The following FAM234B variants were observed in gnomAD, a reference collection of about 807,000 sequenced individuals.
FAM234B encodes family with sequence similarity 234 member B.
FAM234B carries 33 observed loss-of-function variants against 69.3 expected under a neutral mutation model. The observed-to-expected ratio is 0.48, with a 90% CI of 0.36 to 0.64. FAM234B has a LOEUF of 0.64. Ranked by LOEUF, FAM234B falls within the 30% of genes least tolerant of loss-of-function variation. The pLI, the probability that FAM234B is intolerant of heterozygous loss-of-function variation, is 0.00. For missense variants in FAM234B, 697 were observed against 769.7 expected, an observed-to-expected ratio of 0.91 and a Z score of 1.12; for synonymous variants, 306 against 306.9, an observed-to-expected ratio of 1.00 and a Z score of 0.03.
In FAM234B at chr12:13,044,579, A is replaced by T. The variant is rs1864781207; in HGVS notation, c.37+139A>T. 4 of 903,510 alleles carry T rather than the reference A, an allele frequency of 4.4e-6. No individual in the cohort carries two copies. The highest frequency in any genetic ancestry group is 5.1e-6 in the Non-Finnish European group (3 of 586,954). 56.0% of individuals were successfully genotyped at this position (903,510 alleles called of 1,614,324 possible). On this transcript the variant is annotated intron_variant, in intron 1 of 12. Coordinates refer to ENST00000197268, the MANE Select transcript of FAM234B (RefSeq NM_020853.2). The surrounding 1 kb of genome is among the most constrained non-coding windows in gnomAD (Gnocchi z 5.6). Reference sequence around the variant, plus strand: ...AGGCGCCCGGTGCCGAGGAGGGTGCAGTCCCTTGGGGCTGGGGTCTCTGTG... The same window carrying T: ...AGGCGCCCGGTGCCGAGGAGGGTGCTGTCCCTTGGGGCTGGGGTCTCTGTG...
At chr12:13,047,437 G>A (rs750572341) in intron 1 of FAM234B, among the ~76,000 whole-genome samples, 1 of 152,160 alleles carries the variant, frequency 6.6e-6, no homozygotes, top group Non-Finnish European at 1.5e-5. Context: ...AGTTGCAGTA[G>A]AGTGTATTGT....
At chr12:13,059,774 G>A (rs1348268188) in intron 3 of FAM234B, among the ~76,000 whole-genome samples, 3 of 152,212 alleles carry the variant, frequency 2.0e-5, no homozygotes, top group Non-Finnish European at 2.9e-5. Context: ...CAGCCTAGGA[G>A]TAGATTTCCG....
At chr12:13,056,978 C>CTTTTTTTTTTTTTTTTTT (rs72097692) in intron 2 of FAM234B, among the ~76,000 whole-genome samples, 1 of 129,514 alleles carries the variant, frequency 7.7e-6, no homozygotes. Flanking sequence ...CTGTGAACTG[C>CTTTTTTTTTTTTTTTTTT]TTTTTTTTTT....
At chr12:13,049,371 G>T (rs2120441643) in intron 1 of FAM234B, among the ~76,000 whole-genome samples, 1 of 152,284 alleles carries the variant, frequency 6.6e-6, no homozygotes, top group East Asian at 1.9e-4. Context: ...GTAGAGACGG[G>T]GTCTCGCCAC....
chr12:13,049,516 G>A (rs1329227939), intron 1 of FAM234B, among the ~76,000 whole-genome samples: 1 of 152,220 alleles, frequency 6.6e-6, no homozygotes, highest in Non-Finnish European at 1.5e-5. Context: ...AAGAGTGTAG[G>A]ATAAGTGTTC....
chr12:13,082,677 T>C lies in FAM234B; in HGVS notation c.*2047T>C, dbSNP rs1420793528. On this transcript the variant is annotated 3_prime_UTR_variant, in exon 13 of 13. Coordinates refer to ENST00000197268, the MANE Select transcript of FAM234B (RefSeq NM_020853.2). ...AGCTGAATACCCAAAACTTGGGTGG[T>C]GGTCCTGTGGTTTGGCTGAGCTGTC... The C allele has an allele frequency of 6.6e-6, 1 of 152,202 alleles. No individual in the cohort carries two copies. 9.4% of individuals were successfully genotyped at this position (152,202 alleles called of 1,614,324 possible).
chr12:13,061,671 C>T lies in FAM234B; in HGVS notation c.629C>T (p.Thr210Ile), dbSNP rs1565509001. The T allele has an allele frequency of 6.2e-7, 1 of 1,614,000 alleles. No individual in the cohort carries two copies. Residue 210 changes from threonine to isoleucine, a missense_variant, in exon 4 of 13, where the codon ACA becomes ATA. This residue lies in a region of FAM234B where 380 missense variants were observed against 447.1 expected (regional missense o/e 0.85). Transcript: ENST00000197268. The part of the protein sequence containing the change: ...SLLPEEARDI[T>I]CLELMPGSLA... ...CTCCCTGAGGAGGCTCGAGATATCA[C>T]ATGTTTGGAGCTGATGCCAGGAAGC... is the stretch of plus-strand genomic sequence containing the variant.
chr12:13,055,308 A>G (rs1461062372), intron 1 of FAM234B, among the ~76,000 whole-genome samples: 4 of 152,038 alleles, frequency 2.6e-5, no homozygotes, highest in Non-Finnish European at 4.4e-5. Flanking sequence ...CTCCTTTTCC[A>G]TTGTCTTAAA....
intron 10 of FAM234B, among the ~76,000 whole-genome samples, chr12:13,075,709 G>C (rs1865151801): frequency 6.6e-6 from 1 of 150,900 alleles, no homozygotes; most frequent in Non-Finnish European, 1.5e-5. Flanking sequence ...GCCCACCTCG[G>C]CCTCCTAAAG....
chr12:13,056,968 C>CTGTGA (rs1864936887), intron 2 of FAM234B, among the ~76,000 whole-genome samples: 1 of 146,624 alleles, frequency 6.8e-6, no homozygotes, highest in Non-Finnish European at 1.5e-5. Context: ...ATGCAGTCTT[C>CTGTGA]TGTGAACTGC....
chr12:13,066,492 C>A (rs1865037644), intron 5 of FAM234B, 148 bp from the exon 6 acceptor site: 1 of 790,458 alleles, frequency 1.3e-6, no homozygotes, highest in Non-Finnish European at 1.9e-6. Context: ...GGAAATAAAG[C>A]GAAGCAGGTT....
intron 11 of FAM234B, among the ~76,000 whole-genome samples, chr12:13,078,260 G>A (rs1240095194): frequency 6.6e-6 from 1 of 151,934 alleles, no homozygotes; most frequent in Non-Finnish European, 1.5e-5. Flanking sequence ...CTGTGCAGAA[G>A]CTCTTTAGTT....
At chr12:13,078,194 G>A (rs1164759585) in intron 11 of FAM234B, among the ~76,000 whole-genome samples, 16 of 151,818 alleles carry the variant, frequency 1.1e-4, no homozygotes, top group Non-Finnish European at 1.8e-4. Flanking sequence ...AGTAGGTTGC[G>A]AAAATTTTCT....
chr12:13,062,673 C>T, intron 4 of FAM234B, 172 bp from the exon 5 acceptor site: 1 of 575,246 alleles, frequency 1.7e-6, no homozygotes, highest in South Asian at 2.8e-5. Context: ...TCGGATCACA[C>T]TGCCTGCTTC....
At position 13,055,888 on chromosome 12, in the gene FAM234B, C is replaced by A. The variant is rs779385294; in HGVS notation, c.375C>A (p.Ile125=). The change falls in exon 2 of 13, where the codon ATC becomes ATA. Residue 125 remains isoleucine, a synonymous_variant. Transcript: ENST00000197268. ...MILVLLCAFL[I]PCPPRDLHST... ...TGGTGCTCCTGTGTGCTTTCCTGAT[C>A]CCCTGTCCTCCCAGAGATCTGCACA... 1 of 1,610,346 alleles carries A rather than the reference C, an allele frequency of 6.2e-7. No homozygotes were observed. Among genetic ancestry groups the A allele is most frequent in the Admixed American group, 1.7e-5 (1 of 59,746 alleles).
Position 13,061,745 on chromosome 12 carries a change from G to T in FAM234B, c.703G>T (p.Ala235Ser), listed in dbSNP as rs373610349. ...LVTGTHKMLSAFNATSGKAIW... is the reference protein window; with the variant it reads ...LVTGTHKMLSSFNATSGKAIW... ...GACAGGGACACACAAGATGCTCAGC[G>T]CATTCAATGCAACGTCAGGTAAATA... The change falls in exon 4 of 13, where the codon GCA becomes TCA. Residue 235 changes from alanine (A) to serine (S), a missense_variant. Around this residue, in one of 3 missense-constraint regions of FAM234B, gnomAD observed 380 missense variants for 447.1 expected, o/e 0.85. Transcript: ENST00000197268. The T allele has an allele frequency of 9.9e-6, 16 of 1,613,894 alleles. No individual in the cohort carries two copies. Among genetic ancestry groups the T allele is most frequent in the Middle Eastern group, 1.7e-4 (1 of 6,060 alleles).
chr12:13,070,171 AGATATATAT>A (rs1865088123), intron 9 of FAM234B, among the ~76,000 whole-genome samples: 1 of 78,824 alleles, frequency 1.3e-5, no homozygotes, highest in Non-Finnish European at 2.7e-5. Flanking sequence ...AATTAAAAAA[AGATATATAT>A]ATATATATAT....
rs558634173 is a variant in FAM234B, at chr12:13,044,496, AGGCGAGGCTCTGGG to A, written c.37+65_37+78del. 522 of 1,539,686 alleles carry A rather than the reference AGGCGAGGCTCTGGG, an allele frequency of 3.4e-4. 1 individual carries two copies. Among genetic ancestry groups the A allele is most frequent in the Non-Finnish European group, 9.1e-5 (104 of 1,137,182 alleles). ...TCCCCGCCGGTGTTGGAATAAGGGG[AGGCGAGGCTCTGGG>A]GGCGAGGCCGGTCGGGCCCTGGCCT... On this transcript the variant is annotated intron_variant, in intron 1 of 12. Transcript: ENST00000197268. This position sits in a 1 kb window ranked among gnomAD's most constrained non-coding sequence, Gnocchi z 5.6.
chr12:13,071,332 C>T lies in FAM234B; in HGVS notation c.1460C>T (p.Thr487Ile), dbSNP rs577741409. ...MKETPATSAV[T>I]SDQKSVFLFW... ...GAAACGCCAGCCACCTCAGCAGTTA[C>T]TTCAGACCAGAAGTCTGTCTTCCTC... Residue 487 changes from threonine (T) to isoleucine (I), a missense_variant, in exon 10 of 13, where the codon ACT becomes ATT. This residue lies in a region of FAM234B where 313 missense variants were observed against 305.5 expected (regional missense o/e 1.02). Transcript: ENST00000197268. The T allele has an allele frequency of 9.9e-6, 16 of 1,614,076 alleles. No homozygotes were observed. The African/African-American group carries it at 1.3e-4, about 13-fold the overall frequency.
Sources: gnomAD v4.1 joint callset for allele counts (sites outside exome capture counted in the v4.1 genomes callset) on GRCh38, gnomAD v4.1.1 for gene constraint, gnomAD v4.1.1 regional missense constraint, Gnocchi (gnomAD v3.1) non-coding constraint, MANE v1.5 for transcripts, NCBI Gene and HGNC (gene_info 2026-07-23, HGNC 2026-07-21) for gene names.